The following ATF3 variants were observed in gnomAD, a reference collection of about 807,000 sequenced individuals.
The protein encoded by ATF3 is cyclic AMP-dependent transcription factor ATF-3.
In ATF3, 10 loss-of-function variants were observed where a neutral mutation model predicts 18.4. That is an observed-to-expected ratio of 0.54 (90% CI 0.34 to 0.92). The LOEUF (loss-of-function observed/expected upper bound fraction) is 0.92. Ranked by LOEUF, ATF3 falls within the 40% of genes least tolerant of loss-of-function variation. ATF3 has a pLI of 0.02. For synonymous variants in ATF3, 78 were observed against 87.9 expected (o/e 0.89, Z 0.63); for missense variants, 183 against 222.3 (o/e 0.82, Z 1.12).
intron 1 of ATF3, among the ~76,000 whole-genome samples, chr1:212,614,288 A>G (rs1655008815): frequency 6.6e-6 from 1 of 152,142 alleles, no homozygotes. Flanking sequence ...CTCCCCCACA[A>G]TACAGTGCCT....
Position 212,618,356 on chromosome 1 carries a change from G to C in ATF3, c.348+122G>C, listed in dbSNP as rs1655224416. 2 of 981,286 alleles carry C rather than the reference G, an allele frequency of 2.0e-6. No homozygotes were observed. The highest frequency in any genetic ancestry group is 2.6e-5 in the South Asian group (2 of 76,782). 60.8% of individuals were successfully genotyped at this position (981,286 alleles called of 1,614,324 possible). A position where few individuals can be genotyped will look rare whatever the true frequency, so the allele number is the denominator to read the frequency against. On this transcript the variant is annotated intron_variant, in intron 3 of 3. Coordinates refer to ENST00000341491, the MANE Select transcript of ATF3 (RefSeq NM_001674.4). This position sits in a 1 kb window ranked among gnomAD's most constrained non-coding sequence, Gnocchi z 4.4. Reference sequence around the variant, plus strand: ...GTTATAGTTTCCCAAGAAGGGCCTTGTAGCTGGTAGCAGAAATGCCAGTTG... The same window carrying C: ...GTTATAGTTTCCCAAGAAGGGCCTTCTAGCTGGTAGCAGAAATGCCAGTTG...
At chr1:212,569,465 G>A (rs978335878) in intron 1 of ATF3, among the ~76,000 whole-genome samples, 7 of 152,110 alleles carry the variant, frequency 4.6e-5, no homozygotes, top group Non-Finnish European at 8.8e-5. Context: ...TCCTTACTAG[G>A]ATGAAAGACA....
chr1:212,576,439 T>G lies in ATF3; in HGVS notation c.-5+10956T>G, dbSNP rs184596930. On this transcript the variant is annotated intron_variant, in intron 1 of 3. Coordinates refer to the ATF3 transcript ENST00000366981. Reference sequence around the variant, plus strand: ...AAATATAATTTCTTTCATTCTTCTCTTATATTATTTTCTTATTTCTAGTTT... The same window carrying G: ...AAATATAATTTCTTTCATTCTTCTCGTATATTATTTTCTTATTTCTAGTTT... 3.1e-3 allele frequency among the ~76,000 whole-genome samples: 476 copies of G among 151,952 alleles called. 2 individuals carry two copies. The highest frequency in any genetic ancestry group is 0.011 in the African/African-American group (470 of 41,560).
chr1:212,590,277 T>G (rs1252208537), intron 1 of ATF3, among the ~76,000 whole-genome samples: 2 of 152,090 alleles, frequency 1.3e-5, no homozygotes, highest in African/African-American at 4.8e-5. Context: ...TGGGAAAAAT[T>G]TGAGACACAA....
chr1:212,600,266 C>A (rs550116228), intron 1 of ATF3, among the ~76,000 whole-genome samples: 5 of 152,302 alleles, frequency 3.3e-5, no homozygotes, highest in African/African-American at 9.6e-5. Context: ...TGTCCATCTG[C>A]CACTGACAGA....
chr1:212,616,809 G>C (rs573591366), intron 2 of ATF3, among the ~76,000 whole-genome samples: 4 of 152,260 alleles, frequency 2.6e-5, no homozygotes, highest in East Asian at 3.9e-4. Flanking sequence ...GATTGGATGT[G>C]GGGTGTAAGA....
At chr1:212,590,235 C>T (rs546114870) in intron 1 of ATF3, among the ~76,000 whole-genome samples, 27 of 149,670 alleles carry the variant, frequency 1.8e-4, no homozygotes, top group African/African-American at 5.7e-4. Flanking sequence ...CTGTAAGGCA[C>T]GTAAGTTTAA....
chr1:212,567,363 A>C (rs368160433), intron 1 of ATF3, among the ~76,000 whole-genome samples: 17 of 152,192 alleles, frequency 1.1e-4, no homozygotes, highest in Admixed American at 8.5e-4. Flanking sequence ...ATTTCAGCAC[A>C]CTCAAGAAAC....
Position 212,619,282 on chromosome 1 carries a change from C to T in ATF3, c.349-76C>T. ...TGTGTCCCAGGTACACCCCTGCATC[C>T]AGGCAGCAGCCCAGGCCACCCCCTC... is the stretch of plus-strand genomic sequence containing the variant. On this transcript the variant is annotated intron_variant, in intron 3 of 3. Coordinates refer to ENST00000341491, the MANE Select transcript of ATF3 (RefSeq NM_001674.4). The surrounding 1 kb of genome is among the most constrained non-coding windows in gnomAD (Gnocchi z 4.4). 1 of 1,611,630 alleles carries T rather than the reference C, an allele frequency of 6.2e-7. No homozygotes were observed. Among genetic ancestry groups the T allele is most frequent in the Non-Finnish European group, 8.5e-7 (1 of 1,179,874 alleles).
intron 1 of ATF3, among the ~76,000 whole-genome samples, chr1:212,599,038 A>G (rs538039210): frequency 6.6e-6 from 1 of 152,270 alleles, no homozygotes; most frequent in South Asian, 2.1e-4. Flanking sequence ...GAGCCTCCAA[A>G]CTGTTTTCCA....
intron 1 of ATF3, among the ~76,000 whole-genome samples, chr1:212,600,768 T>C (rs1654458307): frequency 6.6e-6 from 1 of 152,224 alleles, no homozygotes; most frequent in Admixed American, 6.5e-5. Flanking sequence ...CCCCATGGGC[T>C]GTGAGCACCT....
chr1:212,576,716 C>CTTT (rs761124416), intron 1 of ATF3, among the ~76,000 whole-genome samples: 1,178 of 78,018 alleles, frequency 0.015, 45 homozygotes, highest in Non-Finnish European at 0.018. Context: ...CTTTTCTTTT[C>CTTT]TTTTCTTTTT....
At chr1:212,594,076 A>G (rs905199506) in intron 1 of ATF3, among the ~76,000 whole-genome samples, 1 of 152,206 alleles carries the variant, frequency 6.6e-6, no homozygotes, top group Non-Finnish European at 1.5e-5. Context: ...GCCTGTTCCA[A>G]TGTCTAAGCA....
At chr1:212,577,921 A>G (rs563351950) in intron 1 of ATF3, among the ~76,000 whole-genome samples, 1 of 152,238 alleles carries the variant, frequency 6.6e-6, no homozygotes, top group African/African-American at 2.4e-5. Flanking sequence ...TACTGTTTTC[A>G]TTTCCTTTGA....
intron 2 of ATF3, among the ~76,000 whole-genome samples, chr1:212,615,910 C>T (rs969766556): frequency 6.6e-6 from 1 of 151,146 alleles, no homozygotes; most frequent in Non-Finnish European, 1.5e-5. Flanking sequence ...CTGCTTCAGC[C>T]TCCCAAAACA....
At chr1:212,606,821 C>T (rs1654636634), upstream of ATF3, among the ~76,000 whole-genome samples, 1 of 152,236 alleles carries the variant, frequency 6.6e-6, no homozygotes, top group South Asian at 2.1e-4. Flanking sequence ...GCCCGGTGTC[C>T]GCCGGGCTGC....
At chr1:212,605,425 A>G (rs375338864), upstream of ATF3, among the ~76,000 whole-genome samples, 2 of 152,250 alleles carry the variant, frequency 1.3e-5, no homozygotes, top group South Asian at 4.1e-4. Context: ...CTCCCGTTCC[A>G]AAGCGAAGAA....
At chr1:212,609,439 C>T (rs894418861) in intron 1 of ATF3, among the ~76,000 whole-genome samples, 1 of 151,736 alleles carries the variant, frequency 6.6e-6, no homozygotes, top group Non-Finnish European at 1.5e-5. Flanking sequence ...CCCCACGCGC[C>T]GAGAGGAATG....
At chr1:212,607,246 A>C (rs1048222825), upstream of ATF3, among the ~76,000 whole-genome samples, 3 of 152,108 alleles carry the variant, frequency 2.0e-5, no homozygotes, top group African/African-American at 4.8e-5. Context: ...CCAAATTACC[A>C]AACTGTGACC....
Sources: gnomAD v4.1 joint callset for allele counts (sites outside exome capture counted in the v4.1 genomes callset) on GRCh38, gnomAD v4.1.1 for gene constraint, Gnocchi (gnomAD v3.1) non-coding constraint, MANE v1.5 for transcripts, NCBI Gene and HGNC (gene_info 2026-07-23, HGNC 2026-07-21) for gene names.